Variants in TRAK1 observed in about 807,000 individuals in gnomAD.
The protein encoded by TRAK1 is trafficking kinesin-binding protein 1.
TRAK1 carries 33 observed loss-of-function variants against 92.1 expected under a neutral mutation model. The observed-to-expected ratio is 0.36, with a 90% CI of 0.27 to 0.48. The LOEUF (loss-of-function observed/expected upper bound fraction) is 0.48, where lower values mean the gene tolerates loss of function less well. TRAK1 is among the 20% of genes least tolerant of loss of function. TRAK1 has a pLI of 0.99. For missense variants in TRAK1, 1,123 were observed against 1,257.9 expected, an observed-to-expected ratio of 0.89 and a Z score of 1.62; for synonymous variants, 521 against 517.3, an observed-to-expected ratio of 1.01 and a Z score of -0.10.
intron 2 of TRAK1, among the ~76,000 whole-genome samples, chr3:42,138,529 G>A (rs142604913): frequency 0.011 from 1,710 of 151,996 alleles, 12 homozygotes; most frequent in Non-Finnish European, 0.015. Flanking sequence ...TAACAAGATC[G>A]TTTTATTTGT....
At chr3:42,218,463 G>GGGGGGC in intron 14 of TRAK1, 1 of 688,424 alleles carries the variant, frequency 1.5e-6, no homozygotes, top group Non-Finnish European at 1.8e-6. Flanking sequence ...GGTTGGGTGG[G>GGGGGGC]AGAATCATCC....
At chr3:42,151,483 A>G (rs1193337322) in intron 2 of TRAK1, 6 of 399,934 alleles carry the variant, frequency 1.5e-5, no homozygotes, top group Admixed American at 1.2e-4. Context: ...GTCTGAATGT[A>G]TGTTGAGCAA....
chr3:42,217,342 C>T, intron 14 of TRAK1: 1 of 985,386 alleles, frequency 1.0e-6, no homozygotes, highest in Non-Finnish European at 1.2e-6. Flanking sequence ...AAATCTCTGG[C>T]TTTAGCACTT....
rs542841925 is a variant in TRAK1, at chr3:42,220,383, C to T, written c.2066+787C>T. 64 of 697,896 alleles carry T rather than the reference C, an allele frequency of 9.2e-5. No individual in the cohort carries two copies. In the South Asian group the frequency reaches 2.4e-3, roughly 26 times the overall value. The allele number at this position is 697,896 out of a possible 1,614,324, so 43.2% of individuals were successfully genotyped here. On this transcript the variant is annotated intron_variant, in intron 15 of 15. Transcript: ENST00000327628. ...AATGCTCTCCCCTAACAGAGTAGAA[C>T]GACCCCCTCAGCTGTTTCCTCTGTG...
At position 42,026,878 on chromosome 3, in the gene TRAK1, A is replaced by C. The variant is rs572684211; in HGVS notation, c.-519+12761A>C. ...ATGTGTAGACCCTCCTTCTCCCCTC[A>C]TATTTATAGTAACCCATGTCTTAGC... is the stretch of plus-strand genomic sequence containing the variant. On this transcript the variant is annotated intron_variant, in intron 1 of 16. Transcript: ENST00000487159. Among the ~76,000 whole-genome samples the C allele has an allele frequency of 1.5e-4, 23 of 152,172 alleles. No homozygotes were observed. The East Asian group carries it at 4.3e-3, about 28-fold the overall frequency.
chr3:42,144,130 C>G (rs972647224), intron 2 of TRAK1, among the ~76,000 whole-genome samples: 4 of 152,250 alleles, frequency 2.6e-5, no homozygotes, highest in Non-Finnish European at 2.9e-5. Flanking sequence ...CACTCCTGCT[C>G]ATTACTGTGA....
At chr3:42,091,662 T>A in intron 1 of TRAK1, 102 bp downstream of exon 1, 1 of 1,115,746 alleles carries the variant, frequency 9.0e-7, no homozygotes, top group Admixed American at 2.8e-5. Flanking sequence ...TGCTCCGTGC[T>A]GCTTGGGAGG....
At chr3:42,110,373 A>G (rs545545437) in intron 1 of TRAK1, among the ~76,000 whole-genome samples, 16 of 151,596 alleles carry the variant, frequency 1.1e-4, no homozygotes, top group Non-Finnish European at 1.9e-4. Context: ...CACAGGAGAA[A>G]ATACAGCCCC....
intron 2 of TRAK1, among the ~76,000 whole-genome samples, chr3:42,134,307 T>G (rs1697643896): frequency 6.6e-6 from 1 of 150,728 alleles, no homozygotes; most frequent in African/African-American, 2.4e-5. Flanking sequence ...ACCTTAATCT[T>G]GCTCTGTTGC....
chr3:42,032,323 T>C (rs1028409354), intron 1 of TRAK1, among the ~76,000 whole-genome samples: 4 of 152,204 alleles, frequency 2.6e-5, no homozygotes, highest in Non-Finnish European at 5.9e-5. Flanking sequence ...AATGTGCTGC[T>C]CCTTCCCAGG....
chr3:42,023,832 C>T (rs1006987848), intron 1 of TRAK1, among the ~76,000 whole-genome samples: 14 of 143,436 alleles, frequency 9.8e-5, no homozygotes, highest in African/African-American at 3.4e-4. Flanking sequence ...TGGCTCACTG[C>T]AGCCTCCGTC....
At chr3:42,159,542 T>G (rs1701004602) in intron 2 of TRAK1, among the ~76,000 whole-genome samples, 1 of 152,206 alleles carries the variant, frequency 6.6e-6, no homozygotes, top group African/African-American at 2.4e-5. Flanking sequence ...CTATTAGGCT[T>G]TAGATTTTTT....
chr3:42,079,801 T>G (rs1559742681), intron 1 of TRAK1, among the ~76,000 whole-genome samples: 1 of 152,074 alleles, frequency 6.6e-6, no homozygotes, highest in African/African-American at 2.4e-5. Flanking sequence ...TTTTTTTTGT[T>G]GTTTTTTTAA....
chr3:42,023,164 A>AAG (rs1701786274), intron 1 of TRAK1, among the ~76,000 whole-genome samples: 1 of 151,484 alleles, frequency 6.6e-6, no homozygotes, highest in Non-Finnish European at 1.5e-5. Context: ...TCTCAAAAAA[A>AAG]AAAAAAAAAA....
At position 42,118,641 on chromosome 3, in the gene TRAK1, A is replaced by C. The variant is rs76073628; in HGVS notation, c.92-6779A>C. Among the ~76,000 whole-genome samples the C allele has an allele frequency of 6.9e-3, 1,047 of 152,324 alleles. 47 individuals are homozygous for C. The East Asian group carries it at 0.13, about 19-fold the overall frequency. On this transcript the variant is annotated intron_variant, in intron 1 of 15. Transcript: ENST00000327628. ...CTGCTTCTGCAGCTCTGCACCTTCC[A>C]GGTGCCAAGCAGGCTCCAGCACACT...
intron 1 of TRAK1, among the ~76,000 whole-genome samples, chr3:42,106,083 C>G (rs1259525238): frequency 6.6e-6 from 1 of 152,170 alleles, no homozygotes; most frequent in Non-Finnish European, 1.5e-5. Context: ...TTGTAAAGAC[C>G]ATCAATGCTA....
intron 1 of TRAK1, among the ~76,000 whole-genome samples, chr3:42,014,800 C>T (rs1701452167): frequency 9.9e-6 from 1 of 100,608 alleles, no homozygotes; most frequent in African/African-American, 2.8e-5. Flanking sequence ...CGTCGTTGGA[C>T]CGCTGATTTT....
At chr3:42,054,892 A>C (rs927031696) in intron 1 of TRAK1, among the ~76,000 whole-genome samples, 1 of 131,490 alleles carries the variant, frequency 7.6e-6, no homozygotes, top group Non-Finnish European at 1.6e-5. Flanking sequence ...TAAATGATCT[A>C]CAGCAAACTA....
chr3:42,072,182 G>C (rs371771287), intron 1 of TRAK1, among the ~76,000 whole-genome samples: 8 of 152,242 alleles, frequency 5.3e-5, no homozygotes, highest in African/African-American at 1.9e-4. Context: ...GGCCTGGTTT[G>C]CTGGAGAAGC....
Sources: gnomAD v4.1 joint callset for allele counts (sites outside exome capture counted in the v4.1 genomes callset) on GRCh38, gnomAD v4.1.1 for gene constraint, MANE v1.5 for transcripts, NCBI Gene and HGNC (gene_info 2026-07-23, HGNC 2026-07-21) for gene names.